AIG1: variants seen among roughly 807,000 people sequenced by gnomAD.
AIG1 encodes the protein androgen-induced gene 1 protein.
Under a neutral mutation model 31.4 loss-of-function variants are expected in AIG1, and 23 were observed. The ratio of observed to expected loss-of-function variants is 0.73; its 90% CI spans 0.53 to 1.04. AIG1 has a LOEUF of 1.04. Ranked by LOEUF, AIG1 falls within the 50% of genes least tolerant of loss-of-function variation. The pLI is 0.00. For missense variants in AIG1, 274 were observed against 295.0 expected (o/e 0.93, Z 0.52); for synonymous variants, 100 against 110.5 (o/e 0.90, Z 0.60).
chr6:143,264,326 T>C (rs1796006486), intron 3 of AIG1, among the ~76,000 whole-genome samples: 1 of 152,220 alleles, frequency 6.6e-6, no homozygotes, highest in Admixed American at 6.5e-5. Context: ...TTTTGTCTGG[T>C]GTCCAGTAAC....
chr6:143,164,813 C>T (rs1052126472), intron 2 of AIG1: 20 of 304,606 alleles, frequency 6.6e-5, no homozygotes, highest in Admixed American at 6.1e-4. Context: ...GAGCTGTACA[C>T]GAAAACAGGC....
At chr6:143,273,168 A>C (rs13211269) in intron 3 of AIG1, among the ~76,000 whole-genome samples, 1 of 152,238 alleles carries the variant, frequency 6.6e-6, no homozygotes. Context: ...GAAGAGAACC[A>C]CATAGTCAGA....
chr6:143,281,604 G>GT (rs1797344903), intron 3 of AIG1, among the ~76,000 whole-genome samples: 1 of 152,164 alleles, frequency 6.6e-6, no homozygotes. Context: ...ACCATTCATA[G>GT]TTTTTTACCA....
intron 3 of AIG1, among the ~76,000 whole-genome samples, chr6:143,177,928 T>C (rs538454057): frequency 4.6e-5 from 7 of 152,208 alleles, no homozygotes; most frequent in African/African-American, 1.7e-4. Context: ...CTGGAGGGCA[T>C]GTGTGGGTGT....
Position 143,091,061 on chromosome 6 carries a change from GA to G in AIG1, c.141+29998del, listed in dbSNP as rs576750380. The stretch of plus-strand genomic sequence containing the variant: ...TCAACAGGTGTAGATTCCATTTCAA[GA>G]AAGCATTTTCTTTGCTCGTCTATAA... On this transcript the variant is annotated intron_variant, in intron 1 of 5. Transcript: ENST00000357847. Among the ~76,000 whole-genome samples the G allele has an allele frequency of 5.9e-3, 896 of 152,174 alleles. 9 individuals are homozygous for G. Among genetic ancestry groups the G allele is most frequent in the Non-Finnish European group, 9.8e-3 (663 of 67,992 alleles).
At chr6:143,316,410 A>G (rs1263840043) in intron 4 of AIG1, among the ~76,000 whole-genome samples, 4 of 152,236 alleles carry the variant, frequency 2.6e-5, no homozygotes, top group African/African-American at 9.6e-5. Flanking sequence ...TAAGGAGGCC[A>G]AAGATAGGAC....
At chr6:143,290,228 T>C (rs1054615541) in intron 4 of AIG1, among the ~76,000 whole-genome samples, 13 of 152,208 alleles carry the variant, frequency 8.5e-5, no homozygotes, top group Non-Finnish European at 1.8e-4. Context: ...AAAAGTTTAT[T>C]TAAAAGCTTT....
chr6:143,121,215 G>GTC (rs1458894150), intron 1 of AIG1, among the ~76,000 whole-genome samples: 2 of 152,182 alleles, frequency 1.3e-5, no homozygotes, highest in Non-Finnish European at 2.9e-5. Flanking sequence ...TTCTGTGTGT[G>GTC]TGTCTTTAAT....
intron 3 of AIG1, among the ~76,000 whole-genome samples, chr6:143,259,873 T>C (rs1795626479): frequency 6.6e-6 from 1 of 152,116 alleles, no homozygotes; most frequent in Admixed American, 6.6e-5. Context: ...CTTACTGCAT[T>C]TGAGTTGCCT....
chr6:143,209,947 G>A (rs768104073), intron 3 of AIG1, among the ~76,000 whole-genome samples: 4 of 152,186 alleles, frequency 2.6e-5, no homozygotes, highest in African/African-American at 4.8e-5. Flanking sequence ...CAAGCCAGGA[G>A]CAGAGCGTCA....
chr6:143,318,760 A>C (rs1775963448), intron 4 of AIG1, among the ~76,000 whole-genome samples: 2 of 152,092 alleles, frequency 1.3e-5, no homozygotes, highest in South Asian at 4.1e-4. Context: ...AGAATCTACA[A>C]GAAACTCAAA....
At chr6:143,084,083 A>G (rs1055792081) in intron 1 of AIG1, among the ~76,000 whole-genome samples, 24 of 152,210 alleles carry the variant, frequency 1.6e-4, no homozygotes, top group African/African-American at 5.5e-4. Context: ...TGTCCGGGAC[A>G]GGAGAGTAAG....
Position 143,293,956 on chromosome 6 carries a change from G to A in AIG1, c.515+9731G>A, listed in dbSNP as rs1021248834. Among the ~76,000 whole-genome samples the A allele has an allele frequency of 2.0e-5, 3 of 152,030 alleles. No homozygotes were observed. The East Asian group carries it at 5.8e-4, about 29-fold the overall frequency. On this transcript the variant is annotated intron_variant, in intron 4 of 5. Transcript: ENST00000357847. The surrounding 1 kb of genome is among the most constrained non-coding windows in gnomAD (Gnocchi z 4.8). ...CCACCTCACTCTCCCAGTCCTCCCA[G>A]CAGATGGCCTGGCCTTTTATTTCAC...
downstream of AIG1, chr6:143,343,075 C>T (rs1286629491): frequency 1.3e-6 from 1 of 779,856 alleles, no homozygotes; most frequent in African/African-American, 1.7e-5. Context: ...TGGTGCATCT[C>T]GCGCCATCAT....
chr6:143,120,831 G>A (rs1234609023), intron 1 of AIG1, among the ~76,000 whole-genome samples: 1 of 152,206 alleles, frequency 6.6e-6, no homozygotes, highest in African/African-American at 2.4e-5. Flanking sequence ...CAAAATCTCT[G>A]CAGCACTGTG....
At chr6:143,062,942 A>T (rs1562335008) in intron 1 of AIG1, among the ~76,000 whole-genome samples, 1 of 152,204 alleles carries the variant, frequency 6.6e-6, no homozygotes, top group Non-Finnish European at 1.5e-5. Context: ...TGTGGGAGCC[A>T]TAGGTTCTAG....
At chr6:143,181,652 G>GA (rs747757758) in intron 3 of AIG1, among the ~76,000 whole-genome samples, 6 of 152,080 alleles carry the variant, frequency 3.9e-5, no homozygotes, top group Non-Finnish European at 5.9e-5. Flanking sequence ...TTATAAACTG[G>GA]AAAAAATGTA....
rs888611151 is a variant in AIG1, at chr6:143,075,180, C to A, written c.141+14114C>A. Among the ~76,000 whole-genome samples, 4 of 152,202 alleles carry A rather than the reference C, an allele frequency of 2.6e-5. No individual in the cohort carries two copies. In the South Asian group the frequency reaches 8.3e-4, roughly 32 times the overall value. On this transcript the variant is annotated intron_variant, in intron 1 of 5. Transcript: ENST00000357847. ...CTGATATGGGTAATTTGTGCCTTAT[C>A]TCCTTTTTCTTTATCAGTCTGGGTA...
In AIG1 at chr6:143,262,358, G is replaced by A. The variant is rs9399431; in HGVS notation, c.400-21752G>A. Among the ~76,000 whole-genome samples, 1,434 of 152,298 alleles carry A rather than the reference G, an allele frequency of 9.4e-3. 43 individuals are homozygous for A. Among genetic ancestry groups the A allele is most frequent in the East Asian group, 0.065 (337 of 5,182 alleles). ...TCCATCCGCAAGTAAGTAGTAGGAA[G>A]AATTATTTGCTGTGGGAGAAACTCT... is the stretch of plus-strand genomic sequence containing the variant. On this transcript the variant is annotated intron_variant, in intron 3 of 5. Coordinates refer to ENST00000357847, the MANE Select transcript of AIG1 (RefSeq NM_016108.4).
Sources: allele counts gnomAD v4.1 joint callset (sites outside exome capture counted in the v4.1 genomes callset), GRCh38; gene constraint gnomAD v4.1.1; non-coding constraint Gnocchi (gnomAD v3.1); transcripts MANE v1.5; gene names NCBI Gene and HGNC (gene_info 2026-07-23, HGNC 2026-07-21).